The following SOX5 variants were observed in gnomAD, a reference collection of about 807,000 sequenced individuals.
SOX5 encodes transcription factor SOX-5.
A neutral mutation model predicts 92.0 loss-of-function variants in SOX5; 9 were observed. That is an observed-to-expected ratio of 0.10 (90% CI 0.06 to 0.17). SOX5 has a LOEUF of 0.17. Ranked by LOEUF, SOX5 falls within the 10% of genes least tolerant of loss-of-function variation. SOX5 has a pLI of 1.00. For missense variants in SOX5, 642 were observed against 944.5 expected (o/e 0.68, Z 4.20); for synonymous variants, 344 against 336.3 (o/e 1.02, Z -0.25).
chr12:24,424,657 GT>G (rs1263360840), intron 1 of SOX5, among the ~76,000 whole-genome samples: 2 of 152,030 alleles, frequency 1.3e-5, no homozygotes, highest in African/African-American at 4.8e-5. Flanking sequence ...CAACACTATA[GT>G]TTCCCCTCCT....
intron 3 of SOX5, among the ~76,000 whole-genome samples, chr12:23,817,862 T>C (rs1483012984): frequency 6.6e-6 from 1 of 152,214 alleles, no homozygotes; most frequent in East Asian, 1.9e-4. Context: ...AGGAACTATA[T>C]CTTTGATTTG....
intron 3 of SOX5, among the ~76,000 whole-genome samples, chr12:23,797,735 G>C (rs1273613698): frequency 5.3e-5 from 8 of 152,018 alleles, no homozygotes; most frequent in Admixed American, 5.2e-4. Flanking sequence ...TCATTTCTCT[G>C]CTGTGTTTGA....
intron 4 of SOX5, among the ~76,000 whole-genome samples, chr12:24,009,415 A>G (rs1013079248): frequency 6.0e-5 from 8 of 132,714 alleles, no homozygotes; most frequent in African/African-American, 1.9e-4. Context: ...TATAATCAAA[A>G]CTTATTTGCA....
intron 3 of SOX5, among the ~76,000 whole-genome samples, chr12:23,811,872 C>T (rs1435881542): frequency 6.6e-6 from 1 of 152,006 alleles, no homozygotes; most frequent in Non-Finnish European, 1.5e-5. Flanking sequence ...AGAAAGTCTT[C>T]CTGAAACACT....
At chr12:23,581,031 AAT>A (rs1447192392) in intron 9 of SOX5, among the ~76,000 whole-genome samples, 1 of 152,062 alleles carries the variant, frequency 6.6e-6, no homozygotes, top group Admixed American at 6.6e-5. Context: ...CCTAGAAGAA[AAT>A]ATGTTACTGT....
intron 2 of SOX5, among the ~76,000 whole-genome samples, chr12:24,344,498 T>C (rs1952984081): frequency 6.6e-6 from 1 of 152,012 alleles, no homozygotes; most frequent in African/African-American, 2.4e-5. Flanking sequence ...TGAACATGGA[T>C]CACAGCTGTG....
At chr12:23,825,062 G>A (rs1262280593) in intron 3 of SOX5, among the ~76,000 whole-genome samples, 5 of 152,078 alleles carry the variant, frequency 3.3e-5, no homozygotes, top group Admixed American at 6.5e-5. Flanking sequence ...TGGACCACTC[G>A]GCTCCCTAGC....
chr12:23,883,637 G>A (rs1421195485), intron 2 of SOX5, among the ~76,000 whole-genome samples: 1 of 152,056 alleles, frequency 6.6e-6, no homozygotes, highest in East Asian at 1.9e-4. Context: ...GCAAAACTTA[G>A]ACAAGATCAC....
At chr12:23,580,246 T>C (rs1225257134) in intron 9 of SOX5, among the ~76,000 whole-genome samples, 2 of 152,048 alleles carry the variant, frequency 1.3e-5, no homozygotes, top group Admixed American at 6.6e-5. Flanking sequence ...CAACATACAA[T>C]ACTCTTTTAA....
intron 6 of SOX5, among the ~76,000 whole-genome samples, chr12:23,694,268 T>A (rs1803590978): frequency 6.6e-6 from 1 of 152,200 alleles, no homozygotes; most frequent in Non-Finnish European, 1.5e-5. Context: ...TTGCTTCACA[T>A]ATCTAGACTC....
At chr12:24,017,587 G>A (rs995458572) in intron 4 of SOX5, among the ~76,000 whole-genome samples, 1 of 151,850 alleles carries the variant, frequency 6.6e-6, no homozygotes, top group African/African-American at 2.4e-5. Flanking sequence ...GTGACAGAGT[G>A]AGACTCTATC....
intron 1 of SOX5, among the ~76,000 whole-genome samples, chr12:24,378,420 A>T (rs1391691151): frequency 6.6e-6 from 1 of 152,228 alleles, no homozygotes; most frequent in Admixed American, 6.5e-5. Context: ...CAATTCAAAC[A>T]GTCTTTAATC....
intron 2 of SOX5, among the ~76,000 whole-genome samples, chr12:24,356,730 G>C (rs1462880303): frequency 6.6e-6 from 1 of 151,786 alleles, no homozygotes; most frequent in Non-Finnish European, 1.5e-5. Context: ...CCTTAATACT[G>C]AATTTTCATC....
At chr12:24,082,688 C>A (rs1200462914) in intron 4 of SOX5, among the ~76,000 whole-genome samples, 1 of 151,532 alleles carries the variant, frequency 6.6e-6, no homozygotes, top group African/African-American at 2.4e-5. Context: ...AGAAAAATAC[C>A]AGCAAAATGT....
At chr12:24,545,609 T>C (rs1273574537) in intron 1 of SOX5, among the ~76,000 whole-genome samples, 1 of 152,222 alleles carries the variant, frequency 6.6e-6, no homozygotes, top group Non-Finnish European at 1.5e-5. Flanking sequence ...TGCTAGTTCT[T>C]TGGCATCCGC....
At chr12:23,965,061 C>T (rs571970131) in intron 4 of SOX5, among the ~76,000 whole-genome samples, 4 of 152,302 alleles carry the variant, frequency 2.6e-5, no homozygotes, top group Non-Finnish European at 5.9e-5. Context: ...AGCCCCCAGG[C>T]GAGCACAGCA....
At chr12:23,999,416 A>G (rs1333776159) in intron 4 of SOX5, among the ~76,000 whole-genome samples, 1 of 152,148 alleles carries the variant, frequency 6.6e-6, no homozygotes, top group East Asian at 1.9e-4. Context: ...ATAATAATGT[A>G]CAATATACTT....
chr12:23,970,841 A>ATATTTTTTTTTTTTTTT, intron 4 of SOX5, among the ~76,000 whole-genome samples: 2 of 21,874 alleles, frequency 9.1e-5, no homozygotes, highest in Non-Finnish European at 2.1e-4. Context: ...TATATATATA[A>ATATTTTTTTTTTTTTTT]TTTTTTTTTT....
intron 4 of SOX5, among the ~76,000 whole-genome samples, chr12:24,072,318 T>C (rs1367145761): frequency 2.6e-5 from 4 of 152,154 alleles, no homozygotes; most frequent in Non-Finnish European, 4.4e-5. Flanking sequence ...AAATGTGTGC[T>C]CCTAAAAGAA....
Sources: allele counts gnomAD v4.1 joint callset (sites outside exome capture counted in the v4.1 genomes callset), GRCh38; gene constraint gnomAD v4.1.1; transcripts MANE v1.5; gene names NCBI Gene and HGNC (gene_info 2026-07-23, HGNC 2026-07-21).